The following DDX23 variants were observed in gnomAD, a reference collection of about 807,000 sequenced individuals.
DDX23 encodes the protein probable ATP-dependent RNA helicase DDX23.
In DDX23, 33 loss-of-function variants were observed where a neutral mutation model predicts 102.7. The observed-to-expected ratio is 0.32, with a 90% confidence interval of 0.24 to 0.43. DDX23 has a LOEUF of 0.43. DDX23 is among the 20% of genes least tolerant of loss of function. DDX23 has a pLI of 1.00. For missense variants in DDX23, 549 were observed against 1,086.6 expected, an observed-to-expected ratio of 0.51 and a Z score of 6.96; for synonymous variants, 352 against 376.0, an observed-to-expected ratio of 0.94 and a Z score of 0.74.
At chr12:48,845,508 A>G in intron 2 of DDX23, 66 bp downstream of exon 2, 1 of 1,575,090 alleles carries the variant, frequency 6.3e-7, no homozygotes, top group East Asian at 2.2e-5. Flanking sequence ...CATCAGAAGA[A>G]CCAAGAAGGA....
chr12:48,837,492 G>A, intron 7 of DDX23, 32 bp downstream of exon 7: 1 of 1,613,664 alleles, frequency 6.2e-7, no homozygotes, highest in East Asian at 2.2e-5. Context: ...TTTTGTGTGG[G>A]AGAGAAGTGA....
Position 48,836,704 on chromosome 12 carries a change from G to A in DDX23, c.1101C>T (p.Asp367=). The change falls in exon 10 of 17, where the codon GAC becomes GAT. Residue 367 remains aspartate, a synonymous_variant. Coordinates refer to ENST00000308025, the MANE Select transcript of DDX23 (RefSeq NM_004818.3). The surrounding 1 kb of genome is among the most constrained non-coding windows in gnomAD (Gnocchi z 6.1). ...CCTCACGGAAGATCCGCCAGTCCCTGTCCGTCATCTCATCTAACTTTTTCT... is the reference window on the plus strand; with the variant it reads ...CCTCACGGAAGATCCGCCAGTCCCTATCCGTCATCTCATCTAACTTTTTCT... ...WSQKKLDEMT[D]RDWRIFREDY... is the part of the protein sequence containing the mutation. 3.1e-6 allele frequency: 5 copies of A among 1,614,230 alleles called. No individual in the cohort carries two copies. Among genetic ancestry groups the A allele is most frequent in the Non-Finnish European group, 4.2e-6 (5 of 1,180,044 alleles).
chr12:48,835,688 C>T (rs896673814), intron 11 of DDX23, among the ~76,000 whole-genome samples: 2 of 151,756 alleles, frequency 1.3e-5, no homozygotes, highest in Non-Finnish European at 2.9e-5. Context: ...CCAGCCTGGG[C>T]AACAAGAGCG....
At position 48,845,830 on chromosome 12, in the gene DDX23, A is replaced by C. The variant is rs539535263; in HGVS notation, c.1-48T>G. ...TTACAATGTACTAGGCACTGCTCTA[A>C]ACTGCTTATATATAATTCAATTACC... On this transcript the variant is annotated intron_variant, in intron 1 of 16. Transcript: ENST00000308025. 6.6e-4 allele frequency: 1,047 copies of C among 1,577,628 alleles called. 9 individuals are homozygous for C. The South Asian group carries it at 0.011, about 17-fold the overall frequency.
chr12:48,830,542 T>C lies in DDX23; in HGVS notation c.2390A>G (p.Asn797Ser), dbSNP rs142808589. ...PVSSCPPELA[N>S]HPDAQHKPGT... ...TGGCTTATGCTGGGCATCTGGGTGG[T>C]TGGCTAGTTCGGGGGGACAGGAAGA... Residue 797 changes from asparagine to serine, a missense_variant, in exon 17 of 17, where the codon AAC (asparagine) becomes AGC (serine). Asn to Ser is a conservative substitution (Grantham distance 46, BLOSUM62 1). Coordinates refer to ENST00000308025, the MANE Select transcript of DDX23 (RefSeq NM_004818.3). The surrounding 1 kb of genome is among the most constrained non-coding windows in gnomAD (Gnocchi z 4.9). The C allele has an allele frequency of 1.2e-6, 2 of 1,613,692 alleles. No homozygotes were observed. The highest frequency in any genetic ancestry group is 1.7e-6 in the Non-Finnish European group (2 of 1,179,996).
In DDX23 at chr12:48,832,071, G is replaced by A; in HGVS notation, c.2064+7C>T. On this transcript the variant is annotated splice_region_variant and intron_variant, in intron 15 of 16. Coordinates refer to ENST00000308025, the MANE Select transcript of DDX23 (RefSeq NM_004818.3). This position sits in a 1 kb window ranked among gnomAD's most constrained non-coding sequence, Gnocchi z 4.4. ...GGCTAGACTTTGTTCTCCCCTGCCA[G>A]ACACACCCCCATCTTCTCCAGGGAT... The A allele has an allele frequency of 6.2e-7, 1 of 1,613,588 alleles. No individual in the cohort carries two copies. The highest frequency in any genetic ancestry group is 1.1e-5 in the South Asian group (1 of 91,060).
chr12:48,848,280 C>T (rs1287877581), intron 1 of DDX23, among the ~76,000 whole-genome samples: 15 of 150,394 alleles, frequency 1.0e-4, no homozygotes, highest in African/African-American at 2.2e-4. Context: ...AGTGAGACTC[C>T]GTCTCAAAAA....
intron 2 of DDX23, among the ~76,000 whole-genome samples, chr12:48,845,265 A>G (rs1938645488): frequency 6.6e-6 from 1 of 151,954 alleles, no homozygotes; most frequent in Non-Finnish European, 1.5e-5. Context: ...CCTGGCTAAC[A>G]CGGTGAAACC....
chr12:48,840,930 T>G (rs1938540471), intron 3 of DDX23, among the ~76,000 whole-genome samples: 1 of 152,138 alleles, frequency 6.6e-6, no homozygotes, highest in Admixed American at 6.5e-5. Context: ...GCTATCTATA[T>G]TCCCTCATCA....
chr12:48,843,890 A>C, intron 3 of DDX23, 50 bp downstream of exon 3: 2 of 1,587,894 alleles, frequency 1.3e-6, no homozygotes, highest in Non-Finnish European at 1.7e-6. Flanking sequence ...TCAGGTGCAG[A>C]GAAGAAATGG....
rs1385976690 is a variant in DDX23 at position 48,832,290 on chromosome 12, G to A, written c.1956-104C>T. ...TACTTTCAGGGTCTTTAATGCCCATGACATTCTGCCCAAGAAAACAGCAGC... is the reference window on the plus strand; with the variant it reads ...TACTTTCAGGGTCTTTAATGCCCATAACATTCTGCCCAAGAAAACAGCAGC... On this transcript the variant is annotated intron_variant, in intron 14 of 16. Coordinates refer to ENST00000308025, the MANE Select transcript of DDX23 (RefSeq NM_004818.3). The surrounding 1 kb of genome is among the most constrained non-coding windows in gnomAD (Gnocchi z 4.4). 1.3e-6 allele frequency: 2 copies of A among 1,548,268 alleles called. No homozygotes were observed. The highest frequency in any genetic ancestry group is 1.8e-6 in the Non-Finnish European group (2 of 1,129,990).
rs745877361 is a variant in DDX23 at position 48,845,547 on chromosome 12, AT to A, written c.209+26del. ...AATCTGAAACGTACTCTCCCTTCCC[AT>A]GTAATAACATACAAAGTTACTTTAC... On this transcript the variant is annotated intron_variant, in intron 2 of 16. Coordinates refer to ENST00000308025, the MANE Select transcript of DDX23 (RefSeq NM_004818.3). 11 of 1,612,970 alleles carry A rather than the reference AT, an allele frequency of 6.8e-6. No individual in the cohort carries two copies. The African/African-American group carries it at 1.3e-4, about 20-fold the overall frequency.
intron 4 of DDX23, 29 bp from the exon 5 acceptor site, chr12:48,839,938 A>G (rs1938522840): frequency 2.5e-6 from 4 of 1,613,894 alleles, no homozygotes; most frequent in Non-Finnish European, 3.4e-6. Context: ...TTTAGTCTAT[A>G]AAGGCTCTCT....
Position 48,832,700 on chromosome 12 carries a change from C to T in DDX23, c.1804-127G>A. On this transcript the variant is annotated intron_variant, in intron 13 of 16. Coordinates refer to ENST00000308025, the MANE Select transcript of DDX23 (RefSeq NM_004818.3). The surrounding 1 kb of genome is among the most constrained non-coding windows in gnomAD (Gnocchi z 4.4). The stretch of plus-strand genomic sequence containing the variant: ...CCACAGTATAGGCTTTGATAGCCAC[C>T]ACCTTAGAAAATAGTGTCCTCTGAA... 1 of 1,207,022 alleles carries T rather than the reference C, an allele frequency of 8.3e-7. No homozygotes were observed. The highest frequency in any genetic ancestry group is 1.1e-6 in the Non-Finnish European group (1 of 890,742). 74.8% of individuals were successfully genotyped at this position (1,207,022 alleles called of 1,614,324 possible).
intron 1 of DDX23, among the ~76,000 whole-genome samples, chr12:48,847,688 G>A (rs542857186): frequency 5.9e-5 from 9 of 152,054 alleles, no homozygotes; most frequent in Non-Finnish European, 1.0e-4. Context: ...AATTAGCCAC[G>A]CATGGTGGTA....
chr12:48,847,602 G>A (rs1337879412), intron 1 of DDX23, among the ~76,000 whole-genome samples: 1 of 152,054 alleles, frequency 6.6e-6, no homozygotes, highest in South Asian at 2.1e-4. Context: ...GGCTGAGGTG[G>A]GTGGATCGCT....
At chr12:48,842,267 G>A (rs1387084192) in intron 3 of DDX23, among the ~76,000 whole-genome samples, 2 of 148,624 alleles carry the variant, frequency 1.3e-5, no homozygotes, top group Non-Finnish European at 1.5e-5. Context: ...ATCCGGGAGG[G>A]AGGTGGGGGG....
At chr12:48,844,093 G>T (rs373208038) in intron 2 of DDX23, 43 bp from the exon 3 acceptor site, 772 of 1,594,564 alleles carry the variant, frequency 4.8e-4, no homozygotes, top group Middle Eastern at 9.9e-4. Context: ...TATTTCCAAA[G>T]TATCTTGCTT....
At position 48,829,795 on chromosome 12, in the gene DDX23, C is replaced by T. The variant is rs970452174; in HGVS notation, c.*674G>A. On this transcript the variant is annotated 3_prime_UTR_variant, in exon 17 of 17. Transcript: ENST00000308025. The stretch of plus-strand genomic sequence containing the variant: ...TTCATGTATTTATTCTCAGAACATA[C>T]AAACTTATCTTCTCAGAGAATAGAA... 1 of 210,942 alleles carries T rather than the reference C, an allele frequency of 4.7e-6. No individual in the cohort carries two copies. Among genetic ancestry groups the T allele is most frequent in the Admixed American group, 5.2e-5 (1 of 19,062 alleles). 13.1% of individuals were successfully genotyped at this position (210,942 alleles called of 1,614,324 possible). A position where few individuals can be genotyped will look rare whatever the true frequency, so the allele number is the denominator to read the frequency against.
Sources: gnomAD v4.1 joint callset for allele counts (sites outside exome capture counted in the v4.1 genomes callset) on GRCh38, gnomAD v4.1.1 for gene constraint, Gnocchi (gnomAD v3.1) non-coding constraint, MANE v1.5 for transcripts, NCBI Gene and HGNC (gene_info 2026-07-23, HGNC 2026-07-21) for gene names.